Variants in SS18L1 observed in about 807,000 individuals in gnomAD.
SS18L1 encodes SS18L1 subunit of BAF chromatin remodeling complex.
A neutral mutation model predicts 70.3 loss-of-function variants in SS18L1; 32 were observed. The ratio of observed to expected loss-of-function variants is 0.46; its 90% CI spans 0.34 to 0.61. The LOEUF (loss-of-function observed/expected upper bound fraction) is 0.61, where lower values mean the gene tolerates loss of function less well. Among genes scored for constraint, SS18L1 ranks in the 20% least tolerant of loss-of-function variants. The pLI is 0.01. For synonymous variants in SS18L1, 237 were observed against 229.7 expected (o/e 1.03, Z -0.29); for missense variants, 430 against 542.1 (o/e 0.79, Z 2.05).
In SS18L1 at chr20:62,181,415, G is replaced by C. The variant is rs535763676; in HGVS notation, c.*2207G>C. ...CCCACTGAAAATGTTAAACATTTTA[G>C]ATAACTGTGAAGATAGTTTATTTTT... On this transcript the variant is annotated 3_prime_UTR_variant, in exon 11 of 11. Coordinates refer to ENST00000331758, the MANE Select transcript of SS18L1 (RefSeq NM_198935.3). 3.9e-5 allele frequency: 8 copies of C among 206,938 alleles called. No homozygotes were observed. The Admixed American group carries it at 4.7e-4, about 12-fold the overall frequency. 12.8% of individuals were successfully genotyped at this position (206,938 alleles called of 1,614,324 possible). A position where few individuals can be genotyped will look rare whatever the true frequency, so the allele number is the denominator to read the frequency against.
At chr20:62,151,329 G>A (rs2057125295) in intron 1 of SS18L1, among the ~76,000 whole-genome samples, 1 of 152,182 alleles carries the variant, frequency 6.6e-6, no homozygotes, top group Non-Finnish European at 1.5e-5. Flanking sequence ...TCCAAGCCAA[G>A]CCCCGTGTCC....
At chr20:62,172,619 C>T in intron 8 of SS18L1, 63 bp from the exon 9 acceptor site, 2 of 1,607,270 alleles carry the variant, frequency 1.2e-6, no homozygotes, top group Non-Finnish European at 1.7e-6. Flanking sequence ...GTGAGTGGGC[C>T]ACAGAATGAG....
chr20:62,168,257 C>T (rs908428124), intron 8 of SS18L1, among the ~76,000 whole-genome samples: 1 of 152,134 alleles, frequency 6.6e-6, no homozygotes, highest in African/African-American at 2.4e-5. Flanking sequence ...GATTTAGAAG[C>T]ATTTTATTCC....
chr20:62,144,574 G>T (rs1474946906), intron 1 of SS18L1, among the ~76,000 whole-genome samples: 1 of 152,246 alleles, frequency 6.6e-6, no homozygotes, highest in Non-Finnish European at 1.5e-5. Flanking sequence ...GTTTCAGCGT[G>T]ACACCCTCGC....
chr20:62,179,167 C>T lies in SS18L1; in HGVS notation c.1165-15C>T, dbSNP rs184140135. ...ATTACTATAGGGGTGTAATCTGTGT[C>T]TTGATCTCTTTTAGGGCCAGTATGG... On this transcript the variant is annotated splice_polypyrimidine_tract_variant and intron_variant, in intron 10 of 10. Coordinates refer to ENST00000331758, the MANE Select transcript of SS18L1 (RefSeq NM_198935.3). 17 of 1,614,140 alleles carry T rather than the reference C, an allele frequency of 1.1e-5. No individual in the cohort carries two copies. The African/African-American group carries it at 1.6e-4, about 15-fold the overall frequency.
intron 8 of SS18L1, among the ~76,000 whole-genome samples, chr20:62,172,413 ATC>A (rs1398611262): frequency 1.3e-5 from 2 of 152,054 alleles, no homozygotes; most frequent in Non-Finnish European, 2.9e-5. Flanking sequence ...GGACATCAGC[ATC>A]TCTCTGGGGA....
chr20:62,163,354 A>G, intron 5 of SS18L1, 104 bp from the exon 6 acceptor site: 2 of 1,511,560 alleles, frequency 1.3e-6, no homozygotes, highest in Non-Finnish European at 1.8e-6. Context: ...TGGGGAGCAC[A>G]GGAAAATAAC....
chr20:62,171,302 C>T (rs2057527511), intron 8 of SS18L1, among the ~76,000 whole-genome samples: 1 of 152,122 alleles, frequency 6.6e-6, no homozygotes, highest in Non-Finnish European at 1.5e-5. Context: ...AAACCCACTC[C>T]CCCATGTCTC....
intron 1 of SS18L1, among the ~76,000 whole-genome samples, chr20:62,150,577 T>A (rs2057108680): frequency 6.7e-6 from 1 of 148,858 alleles, no homozygotes; most frequent in African/African-American, 2.5e-5. Context: ...GCAGACAGAG[T>A]ACTACGTTGT....
At chr20:62,167,042 GTTTTT>G (rs1216570693) in intron 8 of SS18L1, among the ~76,000 whole-genome samples, 4 of 88,166 alleles carry the variant, frequency 4.5e-5, no homozygotes, top group African/African-American at 1.1e-4. Flanking sequence ...GAGTTTGTTT[GTTTTT>G]TTTTTTTTTT....
Position 62,159,868 on chromosome 20 carries a change from C to T in SS18L1, c.147-9C>T. 6.2e-7 allele frequency: 1 copy of T among 1,611,940 alleles called. No homozygotes were observed. On this transcript the variant is annotated splice_polypyrimidine_tract_variant and intron_variant, in intron 2 of 10. Coordinates refer to ENST00000331758, the MANE Select transcript of SS18L1 (RefSeq NM_198935.3). This position sits in a 1 kb window ranked among gnomAD's most constrained non-coding sequence, Gnocchi z 4.4. ...TCGTCCTGCCTCATGCGTGCCCCCT[C>T]TCCTGCAGGTACCAGCAGATCCTGC...
Position 62,170,704 on chromosome 20 carries a change from CCTTT to C in SS18L1, c.917-1973_917-1970del, listed in dbSNP as rs1236323261. 4.6e-5 allele frequency among the ~76,000 whole-genome samples: 7 copies of C among 152,214 alleles called. No individual in the cohort carries two copies. In the East Asian group the frequency reaches 1.3e-3, roughly 29 times the overall value. ...TTCCCTGCAGTTATCTCAGCAGCCC[CCTTT>C]CTTTGGGGATAGGGCGGCTGCTGCC... On this transcript the variant is annotated intron_variant, in intron 8 of 10. Transcript: ENST00000331758.
In SS18L1 at chr20:62,158,623, G is replaced by T. The variant is rs1417099036; in HGVS notation, c.70-49G>T. On this transcript the variant is annotated intron_variant, in intron 1 of 10. Transcript: ENST00000331758. This position sits in a 1 kb window ranked among gnomAD's most constrained non-coding sequence, Gnocchi z 4.5. ...GTAGCGATGGCTGTTCATCCCGAGG[G>T]TCAGCGACAGCCCCGCGTCGGCAGC... The T allele has an allele frequency of 6.2e-7, 1 of 1,600,472 alleles. No individual in the cohort carries two copies. Among genetic ancestry groups the T allele is most frequent in the Non-Finnish European group, 8.5e-7 (1 of 1,175,812 alleles).
At chr20:62,143,955 C>A in intron 1 of SS18L1, 66 bp downstream of exon 1, 2 of 939,894 alleles carry the variant, frequency 2.1e-6, no homozygotes, top group Non-Finnish European at 2.5e-6. Flanking sequence ...GGGGACGGGG[C>A]GCGGGCAGCT....
Position 62,161,349 on chromosome 20 carries a change from G to A in SS18L1, c.232-87G>A, listed in dbSNP as rs1234487914. 17 of 1,594,288 alleles carry A rather than the reference G, an allele frequency of 1.1e-5. No individual in the cohort carries two copies. Among genetic ancestry groups the A allele is most frequent in the Admixed American group, 1.0e-4 (6 of 59,680 alleles). On this transcript the variant is annotated intron_variant, in intron 3 of 10. Coordinates refer to ENST00000331758, the MANE Select transcript of SS18L1 (RefSeq NM_198935.3). This position sits in a 1 kb window ranked among gnomAD's most constrained non-coding sequence, Gnocchi z 4.4. ...GCCATGATGTGTGGCGGCAAATCTC[G>A]GGTGCCCTCTCATCCCTGGCCTGGC...
At chr20:62,175,916 G>A (rs1437883938) in intron 10 of SS18L1, among the ~76,000 whole-genome samples, 3 of 150,802 alleles carry the variant, frequency 2.0e-5, no homozygotes, top group Non-Finnish European at 4.4e-5. Flanking sequence ...TGTGCTCTCA[G>A]GACACTGTGA....
intron 7 of SS18L1, 30 bp from the exon 8 acceptor site, chr20:62,165,392 G>A (rs761862391): frequency 2.6e-5 from 41 of 1,596,786 alleles, no homozygotes; most frequent in Admixed American, 2.0e-4. Context: ...CACAGCCTCC[G>A]CTGACTGTCG....
chr20:62,145,935 C>T (rs973784496), intron 1 of SS18L1, among the ~76,000 whole-genome samples: 4 of 152,202 alleles, frequency 2.6e-5, no homozygotes, highest in Non-Finnish European at 5.9e-5. Context: ...CCAGGGACCC[C>T]TCTGAAGCCT....
At position 62,174,491 on chromosome 20, in the gene SS18L1, C is replaced by T. The variant is rs772563442; in HGVS notation, c.1037-26C>T. On this transcript the variant is annotated intron_variant, in intron 9 of 10. Coordinates refer to ENST00000331758, the MANE Select transcript of SS18L1 (RefSeq NM_198935.3). The surrounding 1 kb of genome is among the most constrained non-coding windows in gnomAD (Gnocchi z 4.1). ...AGAAAGAGGTGTCCGTTTTGGCCGGCCTCACGGTTCCTGGTGTCTTCTCAG... is the reference window on the plus strand; with the variant it reads ...AGAAAGAGGTGTCCGTTTTGGCCGGTCTCACGGTTCCTGGTGTCTTCTCAG... 1.3e-6 allele frequency: 2 copies of T among 1,588,748 alleles called. No individual in the cohort carries two copies. Among genetic ancestry groups the T allele is most frequent in the South Asian group, 2.3e-5 (2 of 87,974 alleles).
Sources: gnomAD v4.1 joint callset for allele counts (sites outside exome capture counted in the v4.1 genomes callset) on GRCh38, gnomAD v4.1.1 for gene constraint, Gnocchi (gnomAD v3.1) non-coding constraint, MANE v1.5 for transcripts, NCBI Gene and HGNC (gene_info 2026-07-23, HGNC 2026-07-21) for gene names.